The following RASA3 variants were observed in gnomAD, a reference collection of about 807,000 sequenced individuals.
RASA3 encodes RAS p21 protein activator 3, also known as ras GTPase-activating protein 3.
A neutral mutation model predicts 110.0 loss-of-function variants in RASA3; 73 were observed. The observed-to-expected ratio is 0.66, with a 90% confidence interval of 0.55 to 0.81. RASA3 has a LOEUF of 0.81. RASA3 is among the 30% of genes least tolerant of loss of function. The probability of loss-of-function intolerance (pLI) is 0.00; values close to 1 mark genes in which losing one functional copy is unlikely to be tolerated. For missense variants in RASA3, 976 were observed against 1,113.2 expected (o/e 0.88, Z 1.75); for synonymous variants, 500 against 451.4 (o/e 1.11, Z -1.37).
At chr13:114,105,358 G>T (rs996989167) in intron 1 of RASA3, among the ~76,000 whole-genome samples, 1 of 86,562 alleles carries the variant, frequency 1.2e-5, no homozygotes, top group Non-Finnish European at 2.1e-5. Context: ...AGCAGAGGCA[G>T]GTTCACAGCA....
At chr13:114,077,914 T>C in intron 1 of RASA3, 3 of 985,222 alleles carry the variant, frequency 3.0e-6, no homozygotes, top group Non-Finnish European at 3.6e-6. Context: ...GCAAGCCCAT[T>C]TCCCTGCCTC....
chr13:114,000,954 C>A, intron 18 of RASA3, 22 bp from the exon 19 acceptor site: 1 of 1,540,858 alleles, frequency 6.5e-7, no homozygotes, highest in Non-Finnish European at 9.0e-7. Context: ...GCACACAGGG[C>A]CGGGGTCCGG....
intron 1 of RASA3, among the ~76,000 whole-genome samples, chr13:114,125,098 A>T (rs1566591070): frequency 6.6e-6 from 1 of 151,786 alleles, no homozygotes; most frequent in Non-Finnish European, 1.5e-5. Context: ...GGGCGCTCTC[A>T]TTTTGCTTCT....
chr13:114,027,599 C>A, intron 6 of RASA3, 138 bp from the exon 7 acceptor site: 1 of 778,648 alleles, frequency 1.3e-6, no homozygotes. Flanking sequence ...TGGTCTCCAA[C>A]TCCAGATGGT....
chr13:114,096,581 C>T lies in RASA3; in HGVS notation c.56-22744G>A, dbSNP rs558816694. On this transcript the variant is annotated intron_variant, in intron 1 of 23. Coordinates refer to ENST00000334062, the MANE Select transcript of RASA3 (RefSeq NM_007368.4). The surrounding 1 kb of genome is among the most constrained non-coding windows in gnomAD (Gnocchi z 5.1). The stretch of plus-strand genomic sequence containing the variant: ...TTCAAACTGTTCCAGCCTGGAATAA[C>T]CCGATTGCTCCTATGGGAACAACTG... 6.6e-6 allele frequency among the ~76,000 whole-genome samples: 1 copy of T among 152,286 alleles called. No individual in the cohort carries two copies. The highest frequency in any genetic ancestry group is 1.9e-4 in the East Asian group (1 of 5,178).
In RASA3 at chr13:114,118,199, A is replaced by T. The variant is rs185035127; in HGVS notation, c.55+14236T>A. ...TAATAACTTGGAAGGCACAGCCAAT[A>T]TTTCCCTTATATCCTGGGACAGCCC... On this transcript the variant is annotated intron_variant, in intron 1 of 23. Transcript: ENST00000334062. 2.0e-3 allele frequency among the ~76,000 whole-genome samples: 299 copies of T among 151,962 alleles called. 3 individuals carry two copies. Among genetic ancestry groups the T allele is most frequent in the Non-Finnish European group, 1.8e-3 (119 of 67,918 alleles).
chr13:114,046,583 G>A (rs886187065), intron 3 of RASA3, among the ~76,000 whole-genome samples: 4 of 152,218 alleles, frequency 2.6e-5, no homozygotes, highest in Non-Finnish European at 4.4e-5. Flanking sequence ...CTATGGAAAG[G>A]GGTGGTAACC....
In RASA3 at chr13:114,043,839, C is replaced by T. The variant is rs1480272921; in HGVS notation, c.278-2745G>A. Among the ~76,000 whole-genome samples, 616 of 72,972 alleles carry T rather than the reference C, an allele frequency of 8.4e-3. 24 individuals are homozygous for T. Among genetic ancestry groups the T allele is most frequent in the Non-Finnish European group, 0.014 (503 of 36,336 alleles). 47.9% of individuals were successfully genotyped at this position (72,972 alleles called of 152,430 possible). ...GCCTGGCCCACCTCACTCGCTGAGC[C>T]CCCCGCCCCGCCTCACTCGCTGAGC... On this transcript the variant is annotated intron_variant, in intron 3 of 23. Coordinates refer to ENST00000334062, the MANE Select transcript of RASA3 (RefSeq NM_007368.4).
At chr13:114,035,285 G>C (rs948601683) in intron 4 of RASA3, among the ~76,000 whole-genome samples, 16 of 152,232 alleles carry the variant, frequency 1.1e-4, no homozygotes, top group Non-Finnish European at 5.9e-5. Flanking sequence ...AAAGGAACGA[G>C]AGGACCTGGC....
rs544694028 is a variant in RASA3, at chr13:114,114,988, C to A, written c.55+17447G>T. ...GATGCTGCAGGTTCCCCAGCCCCAC[C>A]CCCAGCTGTGAGATGCTGCAGGTTC... On this transcript the variant is annotated intron_variant, in intron 1 of 23. Coordinates refer to ENST00000334062, the MANE Select transcript of RASA3 (RefSeq NM_007368.4). The surrounding 1 kb of genome is among the most constrained non-coding windows in gnomAD (Gnocchi z 4.8). 8.4e-3 allele frequency among the ~76,000 whole-genome samples: 1,260 copies of A among 150,610 alleles called. 15 individuals carry two copies. The highest frequency in any genetic ancestry group is 0.029 in the African/African-American group (1,175 of 40,908).
At chr13:114,002,977 C>T (rs879436799) in intron 18 of RASA3, among the ~76,000 whole-genome samples, 5 of 152,206 alleles carry the variant, frequency 3.3e-5, no homozygotes, top group African/African-American at 4.8e-5. Flanking sequence ...CCCTGAGAGA[C>T]GGCAGAGGTG....
intron 4 of RASA3, among the ~76,000 whole-genome samples, chr13:114,038,610 C>T (rs1194286904): frequency 2.0e-5 from 3 of 152,254 alleles, no homozygotes; most frequent in African/African-American, 4.8e-5. Flanking sequence ...ATGAATGAAC[C>T]CTTTGCTGGC....
At chr13:114,017,112 C>T (rs1275798721) in intron 12 of RASA3, 125 bp downstream of exon 12, 27 of 819,582 alleles carry the variant, frequency 3.3e-5, no homozygotes, top group South Asian at 1.8e-4. Context: ...ATCCCCGTGG[C>T]GAGGCCAGAG....
chr13:114,040,920 C>T, intron 4 of RASA3, 80 bp downstream of exon 4: 1 of 1,342,928 alleles, frequency 7.4e-7, no homozygotes, highest in Non-Finnish European at 1.1e-6. Context: ...ACGTCTTTAG[C>T]CACAGTCGGA....
Position 113,981,706 on chromosome 13 carries a change from C to G in RASA3, c.2398G>C (p.Asp800His). 6.2e-7 allele frequency: 1 copy of G among 1,613,950 alleles called. No individual in the cohort carries two copies. The highest frequency in any genetic ancestry group is 8.5e-7 in the Non-Finnish European group (1 of 1,179,906). The stretch of plus-strand genomic sequence containing the variant: ...CCATATTTCGTCTTCTTGAACTTGT[C>G]CCTCTTATACTGGGCGTGCTCCTGC... ...LEQEHAQYKRDKFKKTKYGSQ... is the reference protein window; with the variant it reads ...LEQEHAQYKRHKFKKTKYGSQ... Residue 800 changes from aspartate to histidine, a missense_variant, in exon 23 of 24, where the codon GAC (aspartate) becomes CAC (histidine). Physicochemically the swap from Asp to His is moderately conservative, Grantham distance 81. Transcript: ENST00000334062.
chr13:114,001,113 AG>A (rs1478878331), intron 18 of RASA3, among the ~76,000 whole-genome samples, 181 bp from the exon 19 acceptor site: 3 of 152,188 alleles, frequency 2.0e-5, no homozygotes, highest in Non-Finnish European at 4.4e-5. Flanking sequence ...TCCTTTGAAA[AG>A]TTGAGCGCTG....
At chr13:114,022,591 G>T (rs2053949070) in intron 8 of RASA3, among the ~76,000 whole-genome samples, 1 of 152,230 alleles carries the variant, frequency 6.6e-6, no homozygotes, top group African/African-American at 2.4e-5. Flanking sequence ...CACCACAGAG[G>T]CACTGGCATC....
chr13:114,045,330 C>A (rs1024600531), intron 3 of RASA3, among the ~76,000 whole-genome samples: 4 of 152,220 alleles, frequency 2.6e-5, no homozygotes, highest in Non-Finnish European at 5.9e-5. Context: ...GCTGCCTTCT[C>A]ACCACGAGAG....
At chr13:114,128,315 A>G (rs763075780) in intron 1 of RASA3, among the ~76,000 whole-genome samples, 3 of 152,156 alleles carry the variant, frequency 2.0e-5, no homozygotes, top group Non-Finnish European at 4.4e-5. Flanking sequence ...CACTGTTGCT[A>G]CTTTCTCTTA....
Sources: allele counts gnomAD v4.1 joint callset (sites outside exome capture counted in the v4.1 genomes callset), GRCh38; gene constraint gnomAD v4.1.1; non-coding constraint Gnocchi (gnomAD v3.1); transcripts MANE v1.5; gene names NCBI Gene and HGNC (gene_info 2026-07-23, HGNC 2026-07-21).